NCAM2: variants seen among roughly 807,000 people sequenced by gnomAD.
The protein encoded by NCAM2 is neural cell adhesion molecule 2, also known as N-CAM-2.
In NCAM2, 30 loss-of-function variants were observed where a neutral mutation model predicts 98.1. The ratio of observed to expected loss-of-function variants is 0.31; its 90% confidence interval spans 0.23 to 0.41. NCAM2 has a LOEUF of 0.41. NCAM2 is among the 10% of genes least tolerant of loss of function. NCAM2 has a pLI of 1.00. For synonymous variants in NCAM2, 368 were observed against 342.4 expected (o/e 1.07, Z -0.83); for missense variants, 867 against 1,005.8 (o/e 0.86, Z 1.87).
In NCAM2 at chr21:21,333,485, TG is replaced by T. The variant is rs1347807789; in HGVS notation, c.738-2017del. Among the ~76,000 whole-genome samples, 14 of 152,296 alleles carry T rather than the reference TG, an allele frequency of 9.2e-5. No individual in the cohort carries two copies. In the East Asian group the frequency reaches 2.5e-3, roughly 27 times the overall value. ...ACCTCTATTAATGCCAACCAAATTATGGGTTCCTCATGATGGGTGGCAACTA... is the reference window on the plus strand; with the variant it reads ...ACCTCTATTAATGCCAACCAAATTATGGTTCCTCATGATGGGTGGCAACTA... On this transcript the variant is annotated intron_variant, in intron 6 of 17. Transcript: ENST00000400546.
In NCAM2 at chr21:21,161,584, TGAGA is replaced by T. The variant is rs138597484; in HGVS notation, c.56-118976_56-118973del. Reference sequence around the variant, plus strand: ...ATTTGTGTGTGTGTGTGTGTGTATGTGAGAGAGAGAGAGAGAGAGAGCAAGATAA... The same window carrying T: ...ATTTGTGTGTGTGTGTGTGTGTATGTGAGAGAGAGAGAGAGAGCAAGATAA... On this transcript the variant is annotated intron_variant, in intron 1 of 17. Coordinates refer to ENST00000400546, the MANE Select transcript of NCAM2 (RefSeq NM_004540.5). Among the ~76,000 whole-genome samples, 259 of 146,150 alleles carry T rather than the reference TGAGA, an allele frequency of 1.8e-3. 2 individuals are homozygous for T. The highest frequency in any genetic ancestry group is 9.9e-3 in the Admixed American group (144 of 14,544).
chr21:21,073,815 A>G (rs920589419), intron 1 of NCAM2, among the ~76,000 whole-genome samples: 1 of 152,172 alleles, frequency 6.6e-6, no homozygotes, highest in Non-Finnish European at 1.5e-5. Flanking sequence ...TAACATGACA[A>G]GAAATTCTAA....
chr21:21,174,093 G>A (rs754533520), intron 1 of NCAM2, among the ~76,000 whole-genome samples: 11 of 152,046 alleles, frequency 7.2e-5, no homozygotes, highest in Non-Finnish European at 1.3e-4. Context: ...CCTAATTTTT[G>A]TATTTTAGTA....
At chr21:21,372,462 A>G (rs755237085) in intron 8 of NCAM2, among the ~76,000 whole-genome samples, 9 of 151,762 alleles carry the variant, frequency 5.9e-5, no homozygotes, top group Non-Finnish European at 1.2e-4. Context: ...GACAGCAAAA[A>G]TGCTCATTAA....
rs576482910 is a variant in NCAM2, at chr21:21,426,393, G to A, written c.1481-5715G>A. 2.0e-5 allele frequency among the ~76,000 whole-genome samples: 3 copies of A among 152,106 alleles called. No individual in the cohort carries two copies. The South Asian group carries it at 6.2e-4, about 32-fold the overall frequency. ...AGTTACTTATGTTCCAATTCTTTTAGTATTTGAGACTTTTACCAGATAGAA... is the reference window on the plus strand; with the variant it reads ...AGTTACTTATGTTCCAATTCTTTTAATATTTGAGACTTTTACCAGATAGAA... On this transcript the variant is annotated intron_variant, in intron 11 of 17. Coordinates refer to ENST00000400546, the MANE Select transcript of NCAM2 (RefSeq NM_004540.5).
intron 1 of NCAM2, among the ~76,000 whole-genome samples, chr21:21,238,003 T>C (rs1228969021): frequency 7.4e-6 from 1 of 135,726 alleles, no homozygotes; most frequent in Non-Finnish European, 1.5e-5. Flanking sequence ...TCGCCCAGGC[T>C]GGAGTGCAGT....
At chr21:21,520,086 CT>C (rs2146385756) in intron 16 of NCAM2, among the ~76,000 whole-genome samples, 1 of 152,018 alleles carries the variant, frequency 6.6e-6, no homozygotes, top group African/African-American at 2.4e-5. Context: ...ACTAATAATA[CT>C]TTTTAATCAA....
At chr21:21,017,276 A>G (rs1403347716) in intron 1 of NCAM2, among the ~76,000 whole-genome samples, 1 of 151,898 alleles carries the variant, frequency 6.6e-6, no homozygotes, top group Non-Finnish European at 1.5e-5. Flanking sequence ...AATACAAAAA[A>G]TTAGCTGGGC....
chr21:21,030,908 A>G (rs970726903), intron 1 of NCAM2, among the ~76,000 whole-genome samples: 6 of 152,196 alleles, frequency 3.9e-5, no homozygotes, highest in African/African-American at 2.4e-5. Flanking sequence ...ATTCATCACC[A>G]TAATTCTAAC....
intron 1 of NCAM2, among the ~76,000 whole-genome samples, chr21:21,261,213 T>A (rs1438728895): frequency 6.6e-6 from 1 of 152,084 alleles, no homozygotes; most frequent in Non-Finnish European, 1.5e-5. Flanking sequence ...TAACAATTAC[T>A]ACTACACCTA....
chr21:21,391,667 T>C (rs923951365), intron 9 of NCAM2, among the ~76,000 whole-genome samples: 2 of 152,202 alleles, frequency 1.3e-5, no homozygotes, highest in Non-Finnish European at 2.9e-5. Flanking sequence ...TGCTTTAGTA[T>C]TGTGGACATG....
At chr21:21,014,662 T>G (rs6518023) in intron 1 of NCAM2, among the ~76,000 whole-genome samples, 1,899 of 152,312 alleles carry the variant, frequency 0.012, 32 homozygotes, top group African/African-American at 0.043. Context: ...AACATTGTTT[T>G]TATGCCTACT....
At chr21:21,150,824 G>T (rs1230392714) in intron 1 of NCAM2, among the ~76,000 whole-genome samples, 1 of 151,570 alleles carries the variant, frequency 6.6e-6, no homozygotes, top group African/African-American at 2.4e-5. Flanking sequence ...AAATTAATTG[G>T]GAAGTGTTCT....
At chr21:21,125,422 T>TATGTAATATATAATATTTTACATATA (rs2066775992) in intron 1 of NCAM2, among the ~76,000 whole-genome samples, 53 of 6,000 alleles carry the variant, frequency 8.8e-3, no homozygotes, top group East Asian at 0.018. Context: ...TTTACATATA[T>TATGTAATATATAATATTTTACATATA]TCATACATAT....
chr21:21,426,330 A>G (rs1268685609), intron 11 of NCAM2, among the ~76,000 whole-genome samples: 1 of 152,164 alleles, frequency 6.6e-6, no homozygotes, highest in East Asian at 1.9e-4. Context: ...AATTATGGTG[A>G]CACTGCATGT....
At chr21:21,398,916 G>C (rs1008492742) in intron 9 of NCAM2, among the ~76,000 whole-genome samples, 1 of 152,212 alleles carries the variant, frequency 6.6e-6, no homozygotes, top group Non-Finnish European at 1.5e-5. Context: ...AGGAGGAAAA[G>C]CAGGTTTATT....
At chr21:21,194,201 T>C (rs1382843126) in intron 1 of NCAM2, among the ~76,000 whole-genome samples, 3 of 152,184 alleles carry the variant, frequency 2.0e-5, no homozygotes, top group Admixed American at 6.5e-5. Context: ...AATTTCTCTA[T>C]TATTAAAACT....
chr21:21,476,137 G>A (rs1239830619), intron 14 of NCAM2, among the ~76,000 whole-genome samples: 2 of 152,118 alleles, frequency 1.3e-5, no homozygotes, highest in African/African-American at 4.8e-5. Context: ...TCAACATAGA[G>A]TAATACAGGG....
intron 12 of NCAM2, among the ~76,000 whole-genome samples, chr21:21,440,412 TG>T: frequency 6.6e-6 from 1 of 152,272 alleles, no homozygotes; most frequent in East Asian, 1.9e-4. Context: ...CCTGGCACAG[TG>T]GCTCATGCCT....
Sources: gnomAD v4.1 joint callset for allele counts (sites outside exome capture counted in the v4.1 genomes callset) on GRCh38, gnomAD v4.1.1 for gene constraint, MANE v1.5 for transcripts, NCBI Gene and HGNC (gene_info 2026-07-23, HGNC 2026-07-21) for gene names.